Variants in SORL1 observed in about 807,000 individuals in gnomAD.
The protein encoded by SORL1 is sortilin-related receptor.
Under a neutral mutation model 273.7 loss-of-function variants are expected in SORL1, and 127 were observed. That is an observed-to-expected ratio of 0.46 (90% CI 0.40 to 0.54). SORL1 has a LOEUF of 0.54. Ranked by LOEUF, SORL1 falls within the 20% of genes least tolerant of loss-of-function variation. The pLI is 0.00. For synonymous variants in SORL1, 1,031 were observed against 1,067.4 expected (o/e 0.97, Z 0.66); for missense variants, 2,494 against 2,846.1 (o/e 0.88, Z 2.81).
intron 45 of SORL1, among the ~76,000 whole-genome samples, chr11:121,623,003 G>T (rs1248411811): frequency 1.3e-5 from 2 of 152,214 alleles, no homozygotes; most frequent in Non-Finnish European, 2.9e-5. Flanking sequence ...CAATACCAAA[G>T]CAAAGTGAAA....
intron 41 of SORL1, among the ~76,000 whole-genome samples, chr11:121,615,780 G>A (rs1319181409): frequency 1.3e-5 from 2 of 152,104 alleles, no homozygotes; most frequent in Non-Finnish European, 2.9e-5. Context: ...GAAGAAGAAG[G>A]AAGAAGTAAG....
chr11:121,627,174 G>A lies in SORL1; in HGVS notation c.6365-381G>A, dbSNP rs567875399. On this transcript the variant is annotated intron_variant, in intron 46 of 47. Coordinates refer to ENST00000260197, the MANE Select transcript of SORL1 (RefSeq NM_003105.6). This position sits in a 1 kb window ranked among gnomAD's most constrained non-coding sequence, Gnocchi z 4.9. ...AGTAGGGGGAAATAATTGCAATCTC[G>A]TTAATTAGTGGTCTGATTTCACATC... 3.2e-4 allele frequency: 66 copies of A among 205,842 alleles called. No homozygotes were observed. Among genetic ancestry groups the A allele is most frequent in the South Asian group, 5.1e-4 (6 of 11,832 alleles). 12.8% of individuals were successfully genotyped at this position (205,842 alleles called of 1,614,324 possible). A position where few individuals can be genotyped will look rare whatever the true frequency, so the allele number is the denominator to read the frequency against.
In SORL1 at chr11:121,606,947, G is replaced by A. The variant is rs537088660; in HGVS notation, c.5051G>A (p.Arg1684His). ...APPIHTHGLI[R>H]EYIVEYSRSG... ...CCCATCCACACCCATGGCCTCATCCGTGAGTACATTGTAAGTACCTTCCAT... is the reference window on the plus strand; with the variant it reads ...CCCATCCACACCCATGGCCTCATCCATGAGTACATTGTAAGTACCTTCCAT... The change falls in exon 36 of 48, where the codon CGT (arginine) becomes CAT (histidine). Residue 1684 changes from arginine to histidine, a missense_variant. Around this residue, in one of 3 missense-constraint regions of SORL1, gnomAD observed 1,609 missense variants for 1,816.4 expected, o/e 0.89. Transcript: ENST00000260197. The A allele has an allele frequency of 8.4e-5, 136 of 1,609,658 alleles. No individual in the cohort carries two copies. The South Asian group carries it at 1.3e-3, about 15-fold the overall frequency.
chr11:121,532,397 A>C (rs1461267456), intron 11 of SORL1, 67 bp from the exon 12 acceptor site: 2 of 1,411,492 alleles, frequency 1.4e-6, no homozygotes, highest in Non-Finnish European at 2.0e-6. Context: ...GCCTGTGGGC[A>C]TGTGTACATG....
intron 14 of SORL1, among the ~76,000 whole-genome samples, chr11:121,547,248 C>T (rs750592400): frequency 1.1e-4 from 16 of 151,534 alleles, no homozygotes; most frequent in Admixed American, 5.9e-4. Flanking sequence ...CCTCTCTCTC[C>T]CCTCTTCCTA....
chr11:121,528,445 C>T (rs115645119), intron 11 of SORL1, among the ~76,000 whole-genome samples: 2,293 of 152,116 alleles, frequency 0.015, 69 homozygotes, highest in African/African-American at 0.052. Flanking sequence ...GGTGACAGAG[C>T]AAGACCGGGT....
In SORL1 at chr11:121,554,735, C is replaced by T. The variant is rs928513432; in HGVS notation, c.2440-452C>T. 2.6e-5 allele frequency among the ~76,000 whole-genome samples: 4 copies of T among 152,074 alleles called. No homozygotes were observed. Among genetic ancestry groups the T allele is most frequent in the African/African-American group, 9.7e-5 (4 of 41,406 alleles). On this transcript the variant is annotated intron_variant, in intron 17 of 47. Coordinates refer to ENST00000260197, the MANE Select transcript of SORL1 (RefSeq NM_003105.6). The surrounding 1 kb of genome is among the most constrained non-coding windows in gnomAD (Gnocchi z 4.6). ...TTGAGGGGCTTGGGGTGGGGGATGGCGGTGATGCTGAATGGAGCTGTCCAA... is the reference window on the plus strand; with the variant it reads ...TTGAGGGGCTTGGGGTGGGGGATGGTGGTGATGCTGAATGGAGCTGTCCAA...
In SORL1 at chr11:121,550,698, T is replaced by G. The variant is rs1862495795; in HGVS notation, c.2266+28T>G. 3 of 1,569,504 alleles carry G rather than the reference T, an allele frequency of 1.9e-6. No homozygotes were observed. Among genetic ancestry groups the G allele is most frequent in the Non-Finnish European group, 2.6e-6 (3 of 1,140,410 alleles). On this transcript the variant is annotated intron_variant, in intron 16 of 47. Transcript: ENST00000260197. This position sits in a 1 kb window ranked among gnomAD's most constrained non-coding sequence, Gnocchi z 5.3. ...AAGAGAGGTGGTTTCTTCCCTTTCA[T>G]TTCTTGAGACATGGTTGAAGCAGTA...
At chr11:121,568,069 T>C (rs368165988) in intron 22 of SORL1, among the ~76,000 whole-genome samples, 2 of 152,216 alleles carry the variant, frequency 1.3e-5, no homozygotes, top group Non-Finnish European at 2.9e-5. Context: ...ATTTCTTTTA[T>C]AGGGACGAGG....
chr11:121,543,482 T>A, intron 12 of SORL1, 66 bp from the exon 13 acceptor site: 2 of 1,353,638 alleles, frequency 1.5e-6, no homozygotes, highest in Non-Finnish European at 2.1e-6. Context: ...GTGAATGTTA[T>A]ATGGAAACCA....
chr11:121,522,838 C>T (rs773232170), intron 10 of SORL1, 78 bp from the exon 11 acceptor site: 96 of 1,400,844 alleles, frequency 6.9e-5, no homozygotes, highest in Admixed American at 2.8e-4. Context: ...CTAGATACTA[C>T]GCAGAATTTC....
At chr11:121,514,424 C>T (rs1487695394) in intron 8 of SORL1, 103 bp downstream of exon 8, 1 of 1,199,430 alleles carries the variant, frequency 8.3e-7, no homozygotes. Context: ...TGTGGATACA[C>T]CCGGGGAGCT....
intron 3 of SORL1, among the ~76,000 whole-genome samples, chr11:121,481,743 C>T (rs1861391227): frequency 7.3e-6 from 1 of 137,888 alleles, no homozygotes; most frequent in Admixed American, 7.1e-5. Context: ...CCCAGCTCCT[C>T]CCCTAGTGCA....
rs546572474 is a variant in SORL1 at position 121,573,798 on chromosome 11, T to C, written c.3338-443T>C. On this transcript the variant is annotated intron_variant, in intron 23 of 47. Transcript: ENST00000260197. ...CTGCAGACAGAGCCTATGTTCCTACTGTAGAATTCTACCTCCATGCTGCCT... is the reference window on the plus strand; with the variant it reads ...CTGCAGACAGAGCCTATGTTCCTACCGTAGAATTCTACCTCCATGCTGCCT... Among the ~76,000 whole-genome samples the C allele has an allele frequency of 5.3e-5, 8 of 152,358 alleles. No individual in the cohort carries two copies. The South Asian group carries it at 1.4e-3, about 28-fold the overall frequency.
Position 121,452,599 on chromosome 11 carries a change from A to G in SORL1, c.268A>G (p.Ile90Val). The G allele has an allele frequency of 6.6e-7, 1 of 1,517,314 alleles. No individual in the cohort carries two copies. The highest frequency in any genetic ancestry group is 2.1e-5 in the Admixed American group (1 of 48,428). The allele number at this position is 1,517,314 out of a possible 1,614,324, so 94.0% of individuals were successfully genotyped here. ...KRSAALQPEP[I>V]KVYGQVSLND... is the part of the protein sequence containing the mutation. ...GAGCGCTGCCCTGCAGCCCGAGCCC[A>G]TCAAGGTGTACGGACAGGTGAGCAG... Residue 90 changes from isoleucine to valine, a missense_variant, in exon 1 of 48, where the codon ATC becomes GTC. Coordinates refer to ENST00000260197, the MANE Select transcript of SORL1 (RefSeq NM_003105.6). The surrounding 1 kb of genome is among the most constrained non-coding windows in gnomAD (Gnocchi z 5.3).
At position 121,583,588 on chromosome 11, in the gene SORL1, A is replaced by G; in HGVS notation, c.3706+5A>G. On this transcript the variant is annotated splice_donor_5th_base_variant and intron_variant, in intron 26 of 47. Transcript: ENST00000260197. Reference sequence around the variant, plus strand: ...ATGAGGATCCAGTCAACTGTGGTAAATGCAAATTCCCCAGCTCCCTCCCTG... The same window carrying G: ...ATGAGGATCCAGTCAACTGTGGTAAGTGCAAATTCCCCAGCTCCCTCCCTG... The G allele has an allele frequency of 1.9e-6, 3 of 1,603,556 alleles. No individual in the cohort carries two copies. Among genetic ancestry groups the G allele is most frequent in the Non-Finnish European group, 2.6e-6 (3 of 1,174,944 alleles).
At chr11:121,552,690 C>G (rs1862523128) in intron 16 of SORL1, among the ~76,000 whole-genome samples, 1 of 152,094 alleles carries the variant, frequency 6.6e-6, no homozygotes, top group Non-Finnish European at 1.5e-5. Context: ...GGAAAACTTA[C>G]CTTATTAAAA....
chr11:121,550,718 G>A lies in SORL1; in HGVS notation c.2266+48G>A. The A allele has an allele frequency of 6.8e-7, 1 of 1,470,248 alleles. No individual in the cohort carries two copies. The highest frequency in any genetic ancestry group is 9.5e-7 in the Non-Finnish European group (1 of 1,055,794). 91.1% of individuals were successfully genotyped at this position (1,470,248 alleles called of 1,614,324 possible). ...TTTCATTTCTTGAGACATGGTTGAA[G>A]CAGTATCACGATCTCACCCAAGTCC... On this transcript the variant is annotated intron_variant, in intron 16 of 47. Coordinates refer to ENST00000260197, the MANE Select transcript of SORL1 (RefSeq NM_003105.6). The surrounding 1 kb of genome is among the most constrained non-coding windows in gnomAD (Gnocchi z 5.3).
chr11:121,537,142 A>G (rs1862278645), intron 12 of SORL1, among the ~76,000 whole-genome samples: 1 of 152,174 alleles, frequency 6.6e-6, no homozygotes, highest in South Asian at 2.1e-4. Flanking sequence ...ATAGAATGCA[A>G]ATTTCCAGGT....
Sources: gnomAD v4.1 joint callset for allele counts (sites outside exome capture counted in the v4.1 genomes callset) on GRCh38, gnomAD v4.1.1 for gene constraint, gnomAD v4.1.1 regional missense constraint, Gnocchi (gnomAD v3.1) non-coding constraint, MANE v1.5 for transcripts, NCBI Gene and HGNC (gene_info 2026-07-23, HGNC 2026-07-21) for gene names.